The following ZNF224 variants were observed in gnomAD, a reference collection of about 807,000 sequenced individuals.
ZNF224 encodes zinc finger protein 224.
Under a neutral mutation model 10.5 loss-of-function variants are expected in ZNF224, and 8 were observed. The observed-to-expected ratio is 0.76, with a 90% CI of 0.45 to 1.37. The LOEUF is 1.37. Among genes scored for constraint, ZNF224 ranks in the 40% most tolerant of loss-of-function variants. The pLI is 0.00. For synonymous variants in ZNF224, 282 were observed against 287.8 expected, an observed-to-expected ratio of 0.98 and a Z score of 0.20; for missense variants, 754 against 854.0, an observed-to-expected ratio of 0.88 and a Z score of 1.46.
chr19:44,104,961 C>G (rs8100111), intron 5 of ZNF224, among the ~76,000 whole-genome samples: 1 of 152,180 alleles, frequency 6.6e-6, no homozygotes. Flanking sequence ...CGCGCCCAGC[C>G]GAGCCCTGGT....
Position 44,097,771 on chromosome 19 carries a change from A to T in ZNF224, c.-68-35A>T. ...GGGTGGCATCCCTGGCCACCTTTTC[A>T]TGTCTCTTTTTCTGCCTTTCCTGGC... is the stretch of plus-strand genomic sequence containing the variant. On this transcript the variant is annotated intron_variant, in intron 2 of 5. Transcript: ENST00000693561. The T allele has an allele frequency of 4.4e-6, 6 of 1,371,718 alleles. No individual in the cohort carries two copies. In the South Asian group the frequency reaches 4.8e-5, roughly 11 times the overall value. The allele number at this position is 1,371,718 out of a possible 1,614,324, so 85.0% of individuals were successfully genotyped here.
In ZNF224 at chr19:44,107,198, TGA is replaced by T. The variant is rs764119744; in HGVS notation, c.1040_1041del (p.Glu347GlyfsTer9). 3.1e-6 allele frequency: 5 copies of T among 1,605,508 alleles called. 1 individual carries two copies. The South Asian group carries it at 5.6e-5, about 18-fold the overall frequency. On this transcript the variant is annotated frameshift_variant, in exon 6 of 6. Transcript: ENST00000693561. LOFTEE classifies it low-confidence loss of function (END_TRUNC). Reference protein sequence around the residue: ...IHTGEKPYKCEECGKGFICRR... With the variant: ...IHTGEKPYKCXECGKGFICRR... ...ACACAGGAGAGAAACCATACAAATG[TGA>T]GGAGTGTGGAAAAGGCTTTATTTGT...
rs1431034372 is a variant in ZNF224, at chr19:44,108,014, C to T, written c.1854C>T (p.His618=). Residue 618 remains histidine, a synonymous_variant, in exon 6 of 6, where the codon CAC becomes CAT. Transcript: ENST00000693561. ...CTCGTCTGACCCATCAGAGACGCCA[C>T]AGCAGAGAAACACCTCTCAAATGTG... ...SSTRLTHQRR[H]SRETPLKCEQ... 2.5e-6 allele frequency: 4 copies of T among 1,614,222 alleles called. No individual in the cohort carries two copies. The highest frequency in any genetic ancestry group is 2.5e-6 in the Non-Finnish European group (3 of 1,180,044).
Position 44,109,646 on chromosome 19 carries a change from C to G in ZNF224, c.*1362C>G, listed in dbSNP as rs2147541007. 1 of 152,256 alleles carries G rather than the reference C, an allele frequency of 6.6e-6. No individual in the cohort carries two copies. The highest frequency in any genetic ancestry group is 2.4e-5 in the African/African-American group (1 of 41,554). 9.4% of individuals were successfully genotyped at this position (152,256 alleles called of 1,614,324 possible). On this transcript the variant is annotated 3_prime_UTR_variant, in exon 6 of 6. Coordinates refer to ENST00000693561, the MANE Select transcript of ZNF224 (RefSeq NM_001321645.3). ...GTAGAAGACCACATTGATGATGTCA[C>G]TGCATTTTAAAATGGAAAGAACAAG...
At chr19:44,104,118 C>T (rs77587781) in intron 5 of ZNF224, among the ~76,000 whole-genome samples, 1 of 152,206 alleles carries the variant, frequency 6.6e-6, no homozygotes, top group African/African-American at 2.4e-5. Flanking sequence ...AGGAGCATCA[C>T]CCTTTCTTTA....
Position 44,108,208 on chromosome 19 carries a change from G to A in ZNF224, c.2048G>A (p.Arg683Lys), listed in dbSNP as rs767329767. 6.8e-6 allele frequency: 11 copies of A among 1,614,066 alleles called. No individual in the cohort carries two copies. In the African/African-American group the frequency reaches 1.1e-4, roughly 16 times the overall value. The change falls in exon 6 of 6, where the codon AGG becomes AAG. Residue 683 changes from arginine (R) to lysine (K), a missense_variant. Transcript: ENST00000693561. The part of the protein sequence containing the change: ...VHMGEKTWKC[R>K]ECDMCFSQAS... ...ATGGGAGAGAAAACATGGAAGTGTA[G>A]GGAGTGTGATATGTGCTTTAGTCAG...
chr19:44,104,525 A>T (rs759244146), intron 5 of ZNF224, among the ~76,000 whole-genome samples: 1 of 152,228 alleles, frequency 6.6e-6, no homozygotes, highest in African/African-American at 2.4e-5. Context: ...CACCAAGAGA[A>T]AAATAAGAAA....
chr19:44,098,288 C>T (rs907992483), intron 3 of ZNF224, among the ~76,000 whole-genome samples: 1 of 151,948 alleles, frequency 6.6e-6, no homozygotes, highest in Non-Finnish European at 1.5e-5. Flanking sequence ...CACCATATTC[C>T]CATTTAATCG....
chr19:44,105,765 G>A (rs73562187), intron 5 of ZNF224: 2,165 of 152,864 alleles, frequency 0.014, 59 homozygotes, highest in African/African-American at 0.05. Context: ...GTGAAAACAC[G>A]GTATTTGGTT....
At chr19:44,100,326 C>T (rs888054591) in intron 3 of ZNF224, among the ~76,000 whole-genome samples, 4 of 152,166 alleles carry the variant, frequency 2.6e-5, no homozygotes, top group Admixed American at 2.0e-4. Flanking sequence ...ATAGAGGACT[C>T]ACTGCATAAC....
intron 5 of ZNF224, among the ~76,000 whole-genome samples, chr19:44,101,656 G>A (rs1025338279): frequency 1.3e-5 from 2 of 152,040 alleles, no homozygotes; most frequent in African/African-American, 4.8e-5. Context: ...CCTTTTGCTG[G>A]TACCCAGTGA....
chr19:44,106,710 A>G lies in ZNF224; in HGVS notation c.550A>G (p.Asn184Asp), dbSNP rs755047207. 1 of 1,606,060 alleles carries G rather than the reference A, an allele frequency of 6.2e-7. No individual in the cohort carries two copies. Among genetic ancestry groups the G allele is most frequent in the East Asian group, 2.2e-5 (1 of 44,868 alleles). Residue 184 changes from asparagine to aspartate, a missense_variant, in exon 6 of 6, where the codon AAC (asparagine) becomes GAC (aspartate). Coordinates refer to ENST00000693561, the MANE Select transcript of ZNF224 (RefSeq NM_001321645.3). ...TCATACGTGTGATGAGTGTGGAAAG[A>G]ACTTTTGTTACATCTCAGCCCTTCG... ...KSHTCDECGK[N>D]FCYISALRIH...
Position 44,108,951 on chromosome 19 carries a change from ATC to A in ZNF224, c.*668_*669del. 4.3e-6 allele frequency: 1 copy of A among 231,246 alleles called. No individual in the cohort carries two copies. Among genetic ancestry groups the A allele is most frequent in the South Asian group, 4.9e-5 (1 of 20,440 alleles). 14.3% of individuals were successfully genotyped at this position (231,246 alleles called of 1,614,324 possible). On this transcript the variant is annotated 3_prime_UTR_variant, in exon 6 of 6. Transcript: ENST00000693561. ...TTAAATTTTTTTCTTGATCAGATTT[ATC>A]ATATTCATTGAACATTATTTTATTG...
chr19:44,103,419 A>T (rs1967585930), intron 5 of ZNF224, among the ~76,000 whole-genome samples: 1 of 152,244 alleles, frequency 6.6e-6, no homozygotes, highest in Non-Finnish European at 1.5e-5. Flanking sequence ...ATTGTGAGTC[A>T]TAGTAAGAAA....
chr19:44,108,693 T>G lies in ZNF224; in HGVS notation c.*409T>G. ...TGTCCACTAGAATGTAAACTACATG[T>G]GTCTTTGCTGCTAAGTCGTCACAGC... On this transcript the variant is annotated 3_prime_UTR_variant, in exon 6 of 6. Transcript: ENST00000693561. 1.9e-6 allele frequency: 1 copy of G among 520,520 alleles called. No individual in the cohort carries two copies. Among genetic ancestry groups the G allele is most frequent in the Non-Finnish European group, 3.8e-6 (1 of 261,100 alleles). The allele number at this position is 520,520 out of a possible 1,614,324, so 32.2% of individuals were successfully genotyped here.
At chr19:44,105,545 G>A (rs1474944109) in intron 5 of ZNF224, 1 of 93,878 alleles carries the variant, frequency 1.1e-5, no homozygotes, top group Non-Finnish European at 2.3e-5. Context: ...TTTTATTAAA[G>A]TATATACTGG....
intron 5 of ZNF224, chr19:44,106,148 TC>T: frequency 2.0e-6 from 1 of 509,136 alleles, no homozygotes; most frequent in South Asian, 2.3e-5. Flanking sequence ...TATAAGCGTT[TC>T]TTCTCACCAC....
chr19:44,101,150 A>G lies in ZNF224; in HGVS notation c.160A>G (p.Arg54Gly), dbSNP rs771068830. Residue 54 changes from arginine to glycine, a missense_variant, in exon 5 of 6, where the codon AGG (arginine) becomes GGG (glycine). Transcript: ENST00000693561. ...LLSVGHQAFHRDTFHFLREEK... is the reference protein window; with the variant it reads ...LLSVGHQAFHGDTFHFLREEK... ...GTTTGCAGGACATCAAGCATTCCAC[A>G]GGGATACTTTCCACTTCCTAAGGGA... is the stretch of plus-strand genomic sequence containing the variant. The G allele has an allele frequency of 6.2e-7, 1 of 1,614,172 alleles. No homozygotes were observed. Among genetic ancestry groups the G allele is most frequent in the South Asian group, 1.1e-5 (1 of 91,088 alleles).
Position 44,108,767 on chromosome 19 carries a change from T to C in ZNF224, c.*483T>C. On this transcript the variant is annotated 3_prime_UTR_variant, in exon 6 of 6. Transcript: ENST00000693561. ...ATGTGTTCAGTACTTGTTTGTTAAA[T>C]CAATGAAAGGATAAAACATATGTAT... 1.9e-6 allele frequency: 1 copy of C among 513,546 alleles called. No homozygotes were observed. Among genetic ancestry groups the C allele is most frequent in the Non-Finnish European group, 3.9e-6 (1 of 255,856 alleles). The allele number at this position is 513,546 out of a possible 1,614,324, so 31.8% of individuals were successfully genotyped here. A position where few individuals can be genotyped will look rare whatever the true frequency, so the allele number is the denominator to read the frequency against.
Sources: allele counts gnomAD v4.1 joint callset (sites outside exome capture counted in the v4.1 genomes callset), GRCh38; gene constraint gnomAD v4.1.1; transcripts MANE v1.5; gene names NCBI Gene and HGNC (gene_info 2026-07-23, HGNC 2026-07-21).